Variants in EVA1C observed in about 807,000 individuals in gnomAD.
The protein encoded by EVA1C is protein eva-1 homolog C.
A neutral mutation model predicts 45.4 loss-of-function variants in EVA1C; 25 were observed. That is an observed-to-expected ratio of 0.55 (90% CI 0.40 to 0.77). EVA1C has a LOEUF of 0.77. Ranked by LOEUF, EVA1C falls within the 30% of genes least tolerant of loss-of-function variation. The pLI is 0.00. For synonymous variants in EVA1C, 190 were observed against 221.2 expected (o/e 0.86, Z 1.25); for missense variants, 479 against 554.8 (o/e 0.86, Z 1.37).
chr21:32,445,600 T>C (rs746339979), intron 1 of EVA1C, among the ~76,000 whole-genome samples: 22 of 152,282 alleles, frequency 1.4e-4, no homozygotes, highest in Non-Finnish European at 3.1e-4. Flanking sequence ...ACTGGATTAT[T>C]TGAATATTAA....
intron 1 of EVA1C, among the ~76,000 whole-genome samples, chr21:32,450,255 T>C (rs972900418): frequency 2.7e-5 from 4 of 150,398 alleles, no homozygotes; most frequent in African/African-American, 9.7e-5. Context: ...AGAAAGATAA[T>C]GGTCTAAACG....
rs188306431 is a variant in EVA1C at position 32,495,256 on chromosome 21, C to G, written c.778+86C>G. 1.6e-4 allele frequency: 224 copies of G among 1,436,188 alleles called. No individual in the cohort carries two copies. The African/African-American group carries it at 2.8e-3, about 18-fold the overall frequency. 89.0% of individuals were successfully genotyped at this position (1,436,188 alleles called of 1,614,324 possible). A position where few individuals can be genotyped will look rare whatever the true frequency, so the allele number is the denominator to read the frequency against. ...ACCATGTGAACGGCAGGAGTTTGCCCAGAACAAGCCAAACACTGCTCCTCC... is the reference window on the plus strand; with the variant it reads ...ACCATGTGAACGGCAGGAGTTTGCCGAGAACAAGCCAAACACTGCTCCTCC... On this transcript the variant is annotated intron_variant, in intron 5 of 7. Coordinates refer to ENST00000300255, the MANE Select transcript of EVA1C (RefSeq NM_058187.5).
intron 5 of EVA1C, among the ~76,000 whole-genome samples, chr21:32,498,441 A>G (rs2037425211): frequency 9.8e-6 from 1 of 102,140 alleles, no homozygotes; most frequent in African/African-American, 4.4e-5. Context: ...CTCTGTCTCA[A>G]AAAAAAAAAA....
intron 3 of EVA1C, among the ~76,000 whole-genome samples, chr21:32,465,986 T>C (rs987754483): frequency 1.3e-5 from 2 of 152,232 alleles, no homozygotes; most frequent in Non-Finnish European, 2.9e-5. Flanking sequence ...TCTGTCACTC[T>C]GTGACCTCAC....
At chr21:32,472,880 T>G (rs1038708974) in intron 4 of EVA1C, among the ~76,000 whole-genome samples, 1 of 152,202 alleles carries the variant, frequency 6.6e-6, no homozygotes, top group African/African-American at 2.4e-5. Context: ...CCCTTCTCCC[T>G]CACAATCAAG....
intron 3 of EVA1C, among the ~76,000 whole-genome samples, chr21:32,462,943 G>A (rs547475338): frequency 9.2e-5 from 14 of 152,268 alleles, no homozygotes; most frequent in African/African-American, 2.9e-4. Flanking sequence ...CTCAGCTCTG[G>A]AGGCTGTGAG....
chr21:32,412,927 T>C lies in EVA1C; in HGVS notation c.74T>C (p.Val25Ala). Residue 25 changes from valine to alanine, a missense_variant, in exon 1 of 8, where the codon GTA (valine) becomes GCA (alanine). Physicochemically the swap from Val to Ala is moderately conservative, Grantham distance 64 (BLOSUM62 0). Around this residue, in one of 3 missense-constraint regions of EVA1C, gnomAD observed 80 missense variants for 63.8 expected, o/e 1.25. Transcript: ENST00000300255. Reference protein sequence around the residue: ...PVQHPGLRRQVEPPGQLLRLF... With the variant: ...PVQHPGLRRQAEPPGQLLRLF... ...CAGCATCCCGGCCTCCGCCGGCAGG[T>C]AGAGCCGCCGGGGCAGCTCCTGCGC... is the stretch of plus-strand genomic sequence containing the variant. 1.3e-6 allele frequency: 2 copies of C among 1,530,770 alleles called. No homozygotes were observed. Among genetic ancestry groups the C allele is most frequent in the Non-Finnish European group, 1.8e-6 (2 of 1,140,992 alleles). 94.8% of individuals were successfully genotyped at this position (1,530,770 alleles called of 1,614,324 possible). A position where few individuals can be genotyped will look rare whatever the true frequency, so the allele number is the denominator to read the frequency against.
At chr21:32,444,088 ACAC>A (rs1474665154) in intron 1 of EVA1C, among the ~76,000 whole-genome samples, 70 of 150,376 alleles carry the variant, frequency 4.7e-4, no homozygotes, top group Admixed American at 1.1e-3. Flanking sequence ...ACACACACAC[ACAC>A]AAACTCAAAG....
rs1364741518 is a variant in EVA1C at position 32,412,893 on chromosome 21, C to CA, written c.41dup (p.Pro15AlafsTer55). ...ACGCGCACGCCAACCGCCGACGCCCCAGCCCGTGCAGCATCCCGGCCTCCG... is the reference window on the plus strand; with the variant it reads ...ACGCGCACGCCAACCGCCGACGCCCCAAGCCCGTGCAGCATCCCGGCCTCCG... On this transcript the variant is annotated frameshift_variant, in exon 1 of 8. Coordinates refer to ENST00000300255, the MANE Select transcript of EVA1C (RefSeq NM_058187.5). LOFTEE classifies it high-confidence loss of function. 1 of 1,509,744 alleles carries CA rather than the reference C, an allele frequency of 6.6e-7. No individual in the cohort carries two copies. Among genetic ancestry groups the CA allele is most frequent in the Non-Finnish European group, 8.8e-7 (1 of 1,133,496 alleles). 93.5% of individuals were successfully genotyped at this position (1,509,744 alleles called of 1,614,324 possible). A position where few individuals can be genotyped will look rare whatever the true frequency, so the allele number is the denominator to read the frequency against.
chr21:32,463,522 C>A (rs1459813651), intron 3 of EVA1C, among the ~76,000 whole-genome samples: 1 of 152,192 alleles, frequency 6.6e-6, no homozygotes, highest in Non-Finnish European at 1.5e-5. Flanking sequence ...ACAACAGTCA[C>A]CCCCAGGATG....
rs376160216 is a variant in EVA1C, at chr21:32,434,061, G to A, written c.161-19251G>A. On this transcript the variant is annotated intron_variant, in intron 1 of 7. Coordinates refer to ENST00000300255, the MANE Select transcript of EVA1C (RefSeq NM_058187.5). ...TGAAATCTTAGCAGTTTGGGAGGCC[G>A]AGGTGGGTGGATCATTTGAGGTCAG... 5.0e-3 allele frequency among the ~76,000 whole-genome samples: 751 copies of A among 151,668 alleles called. 5 individuals are homozygous for A. Among genetic ancestry groups the A allele is most frequent in the African/African-American group, 0.016 (644 of 41,306 alleles).
intron 4 of EVA1C, among the ~76,000 whole-genome samples, chr21:32,475,927 C>A (rs6517100): frequency 0.41 from 61,989 of 150,160 alleles, 13,496 homozygotes; most frequent in East Asian, 0.53. Flanking sequence ...ATCTATCTAT[C>A]TATATAAACA....
intron 1 of EVA1C, among the ~76,000 whole-genome samples, chr21:32,448,967 A>AAAAG (rs148890440): frequency 6.2e-5 from 9 of 144,068 alleles, no homozygotes; most frequent in South Asian, 4.6e-4. Flanking sequence ...AAGAGAAAGA[A>AAAAG]AAAGAAAGAA....
In EVA1C at chr21:32,445,090, TA is replaced by T. The variant is rs2035318089; in HGVS notation, c.161-8220del. ...ACAGGTCTATGCCTTTCTCCAAAGA[TA>T]ATTTTGAGGGCTTCAATATTTAAAG... On this transcript the variant is annotated intron_variant, in intron 1 of 7. Coordinates refer to ENST00000300255, the MANE Select transcript of EVA1C (RefSeq NM_058187.5). 2.0e-5 allele frequency among the ~76,000 whole-genome samples: 3 copies of T among 152,212 alleles called. No individual in the cohort carries two copies. In the South Asian group the frequency reaches 6.2e-4, roughly 32 times the overall value.
At chr21:32,501,998 T>A (rs1339538131) in intron 6 of EVA1C, among the ~76,000 whole-genome samples, 1 of 57,928 alleles carries the variant, frequency 1.7e-5, no homozygotes, top group African/African-American at 6.7e-5. Context: ...CTTTCTTTCT[T>A]TCTTTCTTTC....
At chr21:32,493,946 C>A (rs563305079) in intron 4 of EVA1C, among the ~76,000 whole-genome samples, 28 of 152,090 alleles carry the variant, frequency 1.8e-4, no homozygotes, top group Non-Finnish European at 3.8e-4. Context: ...ACTACAGGCA[C>A]ATGCCACCAC....
At chr21:32,470,768 T>C (rs1196149694) in intron 4 of EVA1C, among the ~76,000 whole-genome samples, 1 of 151,558 alleles carries the variant, frequency 6.6e-6, no homozygotes, top group Non-Finnish European at 1.5e-5. Flanking sequence ...TTCTTTCTTT[T>C]TTTTTTTTGA....
chr21:32,433,371 T>G (rs558450076), intron 1 of EVA1C: 1 of 136,394 alleles, frequency 7.3e-6, no homozygotes, highest in African/African-American at 2.7e-5. Context: ...CTCCTGGTGT[T>G]CCCTGAACAA....
chr21:32,471,486 C>A (rs1230406748), intron 4 of EVA1C, among the ~76,000 whole-genome samples: 1 of 151,960 alleles, frequency 6.6e-6, no homozygotes, highest in Non-Finnish European at 1.5e-5. Flanking sequence ...CCACCATGCC[C>A]AGCTAATTTT....
Sources: gnomAD v4.1 joint callset for allele counts (sites outside exome capture counted in the v4.1 genomes callset) on GRCh38, gnomAD v4.1.1 for gene constraint, gnomAD v4.1.1 regional missense constraint, MANE v1.5 for transcripts, NCBI Gene and HGNC (gene_info 2026-07-23, HGNC 2026-07-21) for gene names.